AOAH: variants seen among roughly 807,000 people sequenced by gnomAD.
AOAH encodes the protein acyloxyacyl hydrolase (neutrophil).
AOAH carries 64 observed loss-of-function variants against 92.2 expected under a neutral mutation model. That is an observed-to-expected ratio of 0.69 (90% confidence interval 0.57 to 0.86). The LOEUF (loss-of-function observed/expected upper bound fraction) is 0.86. Among genes scored for constraint, AOAH ranks in the 40% least tolerant of loss-of-function variants. The probability of loss-of-function intolerance (pLI) is 0.00; values close to 1 mark genes in which losing one functional copy is unlikely to be tolerated. For missense variants in AOAH, 656 were observed against 694.6 expected, an observed-to-expected ratio of 0.94 and a Z score of 0.62; for synonymous variants, 263 against 254.5, an observed-to-expected ratio of 1.03 and a Z score of -0.32.
At chr7:36,557,382 G>C (rs1302882755) in intron 13 of AOAH, among the ~76,000 whole-genome samples, 1 of 152,176 alleles carries the variant, frequency 6.6e-6, no homozygotes, top group Admixed American at 6.5e-5. Context: ...TTCTCTTTGT[G>C]GGTAACCCGA....
At chr7:36,650,295 G>A (rs1794499140) in intron 4 of AOAH, among the ~76,000 whole-genome samples, 1 of 152,192 alleles carries the variant, frequency 6.6e-6, no homozygotes, top group African/African-American at 2.4e-5. Flanking sequence ...GTCTTTCTAA[G>A]AGGCCTTATT....
At chr7:36,517,214 C>CTCTCTTTCTTTCTTTTTCTCTT (rs1783808078) in intron 20 of AOAH, among the ~76,000 whole-genome samples, 2 of 104,830 alleles carry the variant, frequency 1.9e-5, no homozygotes, top group Middle Eastern at 4.1e-3. Context: ...TTCTTTCTTT[C>CTCTCTTTCTTTCTTTTTCTCTT]TCTTTCTTTC....
intron 13 of AOAH, among the ~76,000 whole-genome samples, chr7:36,564,135 C>A (rs1787501974): frequency 6.6e-6 from 1 of 152,162 alleles, no homozygotes; most frequent in Non-Finnish European, 1.5e-5. Context: ...AGATGTTTAC[C>A]CCTCAGAGCC....
chr7:36,559,296 TC>T (rs1225927316), intron 13 of AOAH, among the ~76,000 whole-genome samples: 1 of 152,230 alleles, frequency 6.6e-6, no homozygotes, highest in African/African-American at 2.4e-5. Context: ...AAATGGTAGT[TC>T]TCAAAGTTCT....
intron 16 of AOAH, among the ~76,000 whole-genome samples, chr7:36,535,290 C>A (rs147975048): frequency 1.3e-5 from 2 of 152,040 alleles, no homozygotes; most frequent in Non-Finnish European, 2.9e-5. Flanking sequence ...TGACGGTTTG[C>A]GTCTTCATAA....
intron 11 of AOAH, among the ~76,000 whole-genome samples, chr7:36,608,846 C>T (rs556632658): frequency 1.4e-5 from 2 of 140,846 alleles, no homozygotes; most frequent in Admixed American, 1.6e-4. Flanking sequence ...CTCAAAGTGT[C>T]CAGTTTGGAC....
intron 13 of AOAH, among the ~76,000 whole-genome samples, chr7:36,552,111 A>G (rs1786304664): frequency 1.3e-5 from 2 of 152,184 alleles, no homozygotes; most frequent in South Asian, 4.1e-4. Flanking sequence ...AATATGTGCC[A>G]TGGTGGTTTG....
chr7:36,679,844 G>C (rs1381297678), intron 2 of AOAH, among the ~76,000 whole-genome samples: 48 of 152,118 alleles, frequency 3.2e-4, no homozygotes, highest in Admixed American at 1.4e-3. Flanking sequence ...TTTTAGTAGA[G>C]ATGGGGTTTC....
At chr7:36,689,364 G>T (rs903469927) in intron 1 of AOAH, among the ~76,000 whole-genome samples, 5 of 152,136 alleles carry the variant, frequency 3.3e-5, no homozygotes, top group African/African-American at 7.2e-5. Flanking sequence ...TCTAATAATA[G>T]AAATTCATTT....
chr7:36,628,692 A>G (rs1792852969), intron 6 of AOAH, among the ~76,000 whole-genome samples: 1 of 152,202 alleles, frequency 6.6e-6, no homozygotes, highest in African/African-American at 2.4e-5. Flanking sequence ...AGACACCTCA[A>G]ATGAATTTTG....
chr7:36,702,044 G>T (rs1424419174), intron 1 of AOAH, among the ~76,000 whole-genome samples: 1 of 151,902 alleles, frequency 6.6e-6, no homozygotes, highest in Admixed American at 6.6e-5. Flanking sequence ...TCACAACTTT[G>T]CTCTAATATT....
At position 36,621,808 on chromosome 7, in the gene AOAH, G is replaced by T. The variant is rs746328830; in HGVS notation, c.583-28C>A. ...GAAATTGAAGAGCACACACAGGAGG[G>T]GTTCAGCCTGCTTTGATGTTATCCA... On this transcript the variant is annotated intron_variant, in intron 7 of 20. Coordinates refer to ENST00000617537, the MANE Select transcript of AOAH (RefSeq NM_001637.4). 13 of 1,606,758 alleles carry T rather than the reference G, an allele frequency of 8.1e-6. No individual in the cohort carries two copies. In the African/African-American group the frequency reaches 1.1e-4, roughly 13 times the overall value.
At position 36,512,973 on chromosome 7, in the gene AOAH, C is replaced by T. The variant is rs868824792; in HGVS notation, c.*279G>A. 78 of 1,336,020 alleles carry T rather than the reference C, an allele frequency of 5.8e-5. 1 individual carries two copies. In the Middle Eastern group the frequency reaches 1.4e-3, roughly 25 times the overall value. The allele number at this position is 1,336,020 out of a possible 1,614,324, so 82.8% of individuals were successfully genotyped here. ...TAGAAACTCCTTTTAGAACAATTAGCTGTAAAGGGCACAGATACTCTCTTG... is the reference window on the plus strand; with the variant it reads ...TAGAAACTCCTTTTAGAACAATTAGTTGTAAAGGGCACAGATACTCTCTTG... On this transcript the variant is annotated 3_prime_UTR_variant, in exon 21 of 21. Transcript: ENST00000617537.
At chr7:36,600,685 C>T (rs1281572013) in intron 11 of AOAH, among the ~76,000 whole-genome samples, 1 of 152,088 alleles carries the variant, frequency 6.6e-6, no homozygotes, top group African/African-American at 2.4e-5. Context: ...CTTCCCATAG[C>T]CCACTTGTAT....
intron 12 of AOAH, among the ~76,000 whole-genome samples, chr7:36,587,374 C>T (rs1326627708): frequency 6.6e-6 from 1 of 151,080 alleles, no homozygotes; most frequent in East Asian, 1.9e-4. Flanking sequence ...TTTTAGATAA[C>T]TATGGATAGC....
At chr7:36,664,372 AT>A (rs1795415865) in intron 3 of AOAH, among the ~76,000 whole-genome samples, 1 of 152,146 alleles carries the variant, frequency 6.6e-6, no homozygotes, top group African/African-American at 2.4e-5. Flanking sequence ...TGAAATGACC[AT>A]CTTTTTTTAA....
intron 16 of AOAH, among the ~76,000 whole-genome samples, chr7:36,538,067 A>G (rs1785196991): frequency 7.4e-6 from 1 of 135,056 alleles, no homozygotes; most frequent in Non-Finnish European, 1.5e-5. Flanking sequence ...CACTCTTGTC[A>G]CCCAGGCTGG....
intron 1 of AOAH, among the ~76,000 whole-genome samples, chr7:36,704,638 T>C (rs971070669): frequency 1.3e-5 from 2 of 152,156 alleles, no homozygotes; most frequent in African/African-American, 2.4e-5. Flanking sequence ...CCCTAACTCA[T>C]TTTATGAGGC....
intron 1 of AOAH, among the ~76,000 whole-genome samples, chr7:36,698,015 G>A (rs1240795345): frequency 1.3e-5 from 2 of 152,224 alleles, no homozygotes; most frequent in Non-Finnish European, 2.9e-5. Flanking sequence ...AGAATTGTAA[G>A]AGGATAAGGT....
Sources: gnomAD v4.1 joint callset for allele counts (sites outside exome capture counted in the v4.1 genomes callset) on GRCh38, gnomAD v4.1.1 for gene constraint, MANE v1.5 for transcripts, NCBI Gene and HGNC (gene_info 2026-07-23, HGNC 2026-07-21) for gene names.